TRABD2B: variants seen among roughly 807,000 people sequenced by gnomAD.
The protein encoded by TRABD2B is metalloprotease TIKI2.
Under a neutral mutation model 40.1 loss-of-function variants are expected in TRABD2B, and 14 were observed. That is an observed-to-expected ratio of 0.35 (90% confidence interval 0.23 to 0.55). TRABD2B has a LOEUF of 0.55. Among genes scored for constraint, TRABD2B ranks in the 20% least tolerant of loss-of-function variants. The pLI is 0.90. For missense variants in TRABD2B, 541 were observed against 648.6 expected (o/e 0.83, Z 1.80); for synonymous variants, 263 against 277.0 (o/e 0.95, Z 0.50).
chr1:47,805,298 T>C (rs1342363408), intron 2 of TRABD2B, among the ~76,000 whole-genome samples: 1 of 151,992 alleles, frequency 6.6e-6, no homozygotes, highest in African/African-American at 2.4e-5. Flanking sequence ...CCAGGGAATA[T>C]TTATTGTTAG....
At chr1:47,794,899 G>A (rs755877386) in intron 3 of TRABD2B, 139 bp from the exon 4 acceptor site, 24 of 767,202 alleles carry the variant, frequency 3.1e-5, no homozygotes, top group Admixed American at 9.8e-5. Context: ...TCCTGCCTCA[G>A]CCTCCCAAAT....
intron 2 of TRABD2B, among the ~76,000 whole-genome samples, chr1:47,912,521 C>T (rs549990773): frequency 4.7e-4 from 71 of 152,332 alleles, no homozygotes; most frequent in African/African-American, 1.7e-3. Flanking sequence ...AGCCTCCATC[C>T]CACCACCTGG....
intron 2 of TRABD2B, among the ~76,000 whole-genome samples, chr1:47,873,100 T>C (rs1303611164): frequency 2.0e-5 from 3 of 152,132 alleles, no homozygotes. Context: ...GTAGCTTTAA[T>C]CCGATCATTA....
intron 2 of TRABD2B, among the ~76,000 whole-genome samples, chr1:47,965,202 G>GGGGGGGGGGAC: frequency 1.2e-5 from 1 of 81,578 alleles, no homozygotes; most frequent in South Asian, 8.0e-4. Flanking sequence ...GGCGGGGGGC[G>GGGGGGGGGGAC]GGGGGGGGTG....
chr1:47,912,547 T>C (rs1644776800), intron 2 of TRABD2B, among the ~76,000 whole-genome samples: 2 of 152,224 alleles, frequency 1.3e-5, no homozygotes, highest in African/African-American at 4.8e-5. Flanking sequence ...CCCAAAAATG[T>C]GCTGGAGGTG....
chr1:47,849,615 A>C (rs1401785231), intron 2 of TRABD2B, among the ~76,000 whole-genome samples: 2 of 152,194 alleles, frequency 1.3e-5, no homozygotes, highest in Non-Finnish European at 2.9e-5. Context: ...GTAAGTTCTG[A>C]GATGGCAGAA....
At position 47,878,092 on chromosome 1, in the gene TRABD2B, ATCACCTGAGG is replaced by A. The variant is rs539651217; in HGVS notation, c.667-76483_667-76474del. ...CACTTTGGGAGGCTGAGGGAGGTGG[ATCACCTGAGG>A]TCAGGAGTTCAAGACCAGTCTGGCC... On this transcript the variant is annotated intron_variant, in intron 2 of 6. Coordinates refer to ENST00000606738, the MANE Select transcript of TRABD2B (RefSeq NM_001194986.2). 4.6e-5 allele frequency among the ~76,000 whole-genome samples: 7 copies of A among 152,142 alleles called. No individual in the cohort carries two copies. In the South Asian group the frequency reaches 1.5e-3, roughly 32 times the overall value.
chr1:47,778,705 T>C (rs1225607617), intron 4 of TRABD2B, among the ~76,000 whole-genome samples, 161 bp from the exon 5 acceptor site: 2 of 152,208 alleles, frequency 1.3e-5, no homozygotes, highest in Non-Finnish European at 2.9e-5. Context: ...AGGTAAGACA[T>C]GGTCCTGGTG....
chr1:47,863,135 C>T (rs1643998519), intron 2 of TRABD2B, among the ~76,000 whole-genome samples: 1 of 151,574 alleles, frequency 6.6e-6, no homozygotes, highest in South Asian at 2.1e-4. Flanking sequence ...AGAAGAAAAT[C>T]TAGATGGCTT....
chr1:47,839,377 C>A (rs895758772), intron 2 of TRABD2B, among the ~76,000 whole-genome samples: 12 of 152,166 alleles, frequency 7.9e-5, no homozygotes, highest in African/African-American at 2.7e-4. Context: ...CACACACTCA[C>A]CCACACAGAA....
At chr1:47,791,655 C>T (rs1236485616) in intron 4 of TRABD2B, among the ~76,000 whole-genome samples, 1 of 152,182 alleles carries the variant, frequency 6.6e-6, no homozygotes, top group Non-Finnish European at 1.5e-5. Flanking sequence ...GTCTTCAGGT[C>T]TCACTCCACC....
At chr1:47,923,925 C>CACACACAT (rs1644936980) in intron 2 of TRABD2B, among the ~76,000 whole-genome samples, 1 of 7,270 alleles carries the variant, frequency 1.4e-4, no homozygotes, top group Non-Finnish European at 5.0e-4. Context: ...TACACACACA[C>CACACACAT]ACACACACAC....
intron 2 of TRABD2B, among the ~76,000 whole-genome samples, chr1:47,913,833 T>C (rs532997028): frequency 6.6e-6 from 1 of 152,180 alleles, no homozygotes; most frequent in Non-Finnish European, 1.5e-5. Context: ...GCCTTCTATG[T>C]GCCTACACAG....
intron 2 of TRABD2B, among the ~76,000 whole-genome samples, chr1:47,808,191 G>A (rs1644917493): frequency 6.6e-6 from 1 of 152,182 alleles, no homozygotes; most frequent in Non-Finnish European, 1.5e-5. Flanking sequence ...CCAGCAGACT[G>A]CTTTTGGACT....
intron 2 of TRABD2B, among the ~76,000 whole-genome samples, chr1:47,887,001 C>T (rs1381190133): frequency 6.6e-6 from 1 of 152,096 alleles, no homozygotes; most frequent in African/African-American, 2.4e-5. Flanking sequence ...GTCAGGAAGG[C>T]TGGGTTCTAG....
intron 4 of TRABD2B, among the ~76,000 whole-genome samples, chr1:47,783,827 C>T (rs1644558256): frequency 6.6e-6 from 1 of 152,226 alleles, no homozygotes; most frequent in Admixed American, 6.5e-5. Context: ...CCTGTTGATC[C>T]TCTGACATGG....
In TRABD2B at chr1:47,950,872, A is replaced by T. The variant is rs571328063; in HGVS notation, c.666+43162T>A. ...TCTGCAAAAAGGCAATGGAAACTCC[A>T]CTGGCAGTGGTGAGGGGGCACTGGT... On this transcript the variant is annotated intron_variant, in intron 2 of 6. Coordinates refer to ENST00000606738, the MANE Select transcript of TRABD2B (RefSeq NM_001194986.2). Among the ~76,000 whole-genome samples, 13 of 152,312 alleles carry T rather than the reference A, an allele frequency of 8.5e-5. No homozygotes were observed. In the South Asian group the frequency reaches 2.1e-3, roughly 24 times the overall value.
intron 2 of TRABD2B, among the ~76,000 whole-genome samples, chr1:47,984,136 G>A (rs1443293006): frequency 6.6e-6 from 1 of 152,246 alleles, no homozygotes; most frequent in Non-Finnish European, 1.5e-5. Context: ...TAATAGGGAG[G>A]AAGGAGGCAA....
chr1:47,922,056 C>T lies in TRABD2B; in HGVS notation c.666+71978G>A, dbSNP rs117583936. Among the ~76,000 whole-genome samples the T allele has an allele frequency of 2.1e-4, 32 of 152,270 alleles. No individual in the cohort carries two copies. In the East Asian group the frequency reaches 6.0e-3, roughly 28 times the overall value. Reference sequence around the variant, plus strand: ...ACTGGGGTGCAGGCTCAGGGCTGTCCATCTGCAAAGCCCACGCCATTTCTG... The same window carrying T: ...ACTGGGGTGCAGGCTCAGGGCTGTCTATCTGCAAAGCCCACGCCATTTCTG... On this transcript the variant is annotated intron_variant, in intron 2 of 6. Coordinates refer to ENST00000606738, the MANE Select transcript of TRABD2B (RefSeq NM_001194986.2).
Sources: allele counts gnomAD v4.1 joint callset (sites outside exome capture counted in the v4.1 genomes callset), GRCh38; gene constraint gnomAD v4.1.1; transcripts MANE v1.5; gene names NCBI Gene and HGNC (gene_info 2026-07-23, HGNC 2026-07-21).